The following CSMD1 variants were observed in gnomAD, a reference collection of about 807,000 sequenced individuals.
CSMD1 encodes CUB and sushi domain-containing protein 1.
Under a neutral mutation model 417.5 loss-of-function variants are expected in CSMD1, and 213 were observed. The observed-to-expected ratio is 0.51, with a 90% CI of 0.46 to 0.57. The LOEUF is 0.57. CSMD1 is among the 20% of genes least tolerant of loss of function. The pLI is 0.00. For missense variants in CSMD1, 6,923 were observed against 4,529.7 expected (o/e 1.53, Z -15.17); for synonymous variants, 2,862 against 1,736.8 (o/e 1.65, Z -16.11).
At chr8:3,714,075 C>A (rs144340661) in intron 6 of CSMD1, among the ~76,000 whole-genome samples, 1 of 139,906 alleles carries the variant, frequency 7.1e-6, no homozygotes, top group Non-Finnish European at 1.6e-5. Flanking sequence ...CACATACACA[C>A]ATATGTATAT....
At chr8:3,954,490 C>T (rs1811803548) in intron 5 of CSMD1, among the ~76,000 whole-genome samples, 1 of 152,296 alleles carries the variant, frequency 6.6e-6, no homozygotes, top group Non-Finnish European at 1.5e-5. Context: ...CCTCAGCTTC[C>T]TGAGTAGCTG....
At chr8:3,071,704 C>G (rs1355007958) in intron 49 of CSMD1, among the ~76,000 whole-genome samples, 1 of 152,066 alleles carries the variant, frequency 6.6e-6, no homozygotes, top group Non-Finnish European at 1.5e-5. Context: ...AAAAAACTAC[C>G]ATTCATCAAC....
chr8:4,043,098 C>G (rs565750371), intron 3 of CSMD1, among the ~76,000 whole-genome samples: 2 of 152,088 alleles, frequency 1.3e-5, no homozygotes, highest in East Asian at 1.9e-4. Context: ...CACCACTGCA[C>G]TTCCAGCCTG....
chr8:3,323,686 C>T (rs888882082), intron 23 of CSMD1, among the ~76,000 whole-genome samples: 1 of 152,182 alleles, frequency 6.6e-6, no homozygotes, highest in Non-Finnish European at 1.5e-5. Context: ...GATGAAGCAG[C>T]AGGTAAGTAG....
intron 1 of CSMD1, among the ~76,000 whole-genome samples, chr8:4,919,065 G>A (rs1402650086): frequency 6.6e-6 from 1 of 152,208 alleles, no homozygotes; most frequent in African/African-American, 2.4e-5. Context: ...TTTCAGTGAG[G>A]TAGTAGTTTG....
chr8:3,155,359 A>ATTTT (rs556304192), intron 39 of CSMD1, among the ~76,000 whole-genome samples: 906 of 43,278 alleles, frequency 0.021, 257 homozygotes, highest in South Asian at 0.098. Flanking sequence ...CAAGGCTGGG[A>ATTTT]TTTTTTTTTT....
Position 3,029,173 on chromosome 8 carries a change from C to T in CSMD1, c.7855+146G>A, listed in dbSNP as rs963996699. 4.6e-5 allele frequency: 25 copies of T among 542,604 alleles called. 1 individual carries two copies. The Middle Eastern group carries it at 2.0e-3, about 44-fold the overall frequency. 33.6% of individuals were successfully genotyped at this position (542,604 alleles called of 1,614,324 possible). On this transcript the variant is annotated intron_variant, in intron 51 of 69. Transcript: ENST00000635120. ...GTCACATGACAATACATATTCACATCGCAATGAAAAGACAGGCCATTTGTT... is the reference window on the plus strand; with the variant it reads ...GTCACATGACAATACATATTCACATTGCAATGAAAAGACAGGCCATTTGTT...
intron 3 of CSMD1, among the ~76,000 whole-genome samples, chr8:4,193,666 C>T (rs1055147833): frequency 7.2e-5 from 11 of 152,034 alleles, no homozygotes; most frequent in African/African-American, 2.2e-4. Context: ...TACCCAAACA[C>T]GGCAAACCAC....
intron 12 of CSMD1, among the ~76,000 whole-genome samples, chr8:3,455,105 G>A (rs372784827): frequency 9.2e-5 from 14 of 151,922 alleles, no homozygotes; most frequent in South Asian, 4.2e-4. Context: ...CGATCGAATC[G>A]GCTACTGAGG....
chr8:4,815,813 T>A (rs918047264), intron 1 of CSMD1, among the ~76,000 whole-genome samples: 1 of 151,948 alleles, frequency 6.6e-6, no homozygotes, highest in African/African-American at 2.4e-5. Context: ...ATTATTCAAG[T>A]AATGAATGCC....
At chr8:3,560,727 C>A (rs939687176) in intron 10 of CSMD1, among the ~76,000 whole-genome samples, 1 of 152,150 alleles carries the variant, frequency 6.6e-6, no homozygotes, top group Non-Finnish European at 1.5e-5. Context: ...TTAGTGGAAC[C>A]TAATTATCAC....
At chr8:3,712,461 G>C (rs1053689902) in intron 6 of CSMD1, among the ~76,000 whole-genome samples, 1 of 151,864 alleles carries the variant, frequency 6.6e-6, no homozygotes, top group Non-Finnish European at 1.5e-5. Context: ...AGAGAAACTA[G>C]AGCTGCAGGA....
chr8:4,747,213 C>T (rs1232685651), intron 1 of CSMD1, among the ~76,000 whole-genome samples: 1 of 152,172 alleles, frequency 6.6e-6, no homozygotes, highest in African/African-American at 2.4e-5. Flanking sequence ...GAATTTCTAC[C>T]TTCAGTAATG....
At chr8:3,251,802 A>C (rs1563187732) in intron 26 of CSMD1, among the ~76,000 whole-genome samples, 3 of 152,084 alleles carry the variant, frequency 2.0e-5, no homozygotes, top group African/African-American at 7.2e-5. Context: ...TTGGATTCAT[A>C]TGTATTTTAT....
chr8:3,151,569 T>C, intron 39 of CSMD1, 56 bp from the exon 40 acceptor site: 1 of 1,150,148 alleles, frequency 8.7e-7, no homozygotes, highest in Non-Finnish European at 1.3e-6. Context: ...CCTGGAATCT[T>C]TGCTCCAACC....
intron 25 of CSMD1, among the ~76,000 whole-genome samples, chr8:3,298,709 C>T (rs1452361578): frequency 1.3e-5 from 2 of 152,230 alleles, no homozygotes; most frequent in African/African-American, 4.8e-5. Context: ...CCGCCTCAGC[C>T]TCCCAAAGTG....
chr8:4,649,776 T>C (rs2130891222), intron 1 of CSMD1, among the ~76,000 whole-genome samples: 1 of 152,390 alleles, frequency 6.6e-6, no homozygotes, highest in South Asian at 2.1e-4. Flanking sequence ...CAGAAACTAA[T>C]AATGATGTTT....
intron 23 of CSMD1, among the ~76,000 whole-genome samples, chr8:3,315,481 A>G (rs1448428449): frequency 1.5e-5 from 2 of 129,492 alleles, no homozygotes; most frequent in African/African-American, 2.7e-5. Context: ...ACTATCTTTT[A>G]AATTATTTAT....
At chr8:3,780,181 A>G (rs1799101617) in intron 5 of CSMD1, among the ~76,000 whole-genome samples, 2 of 152,346 alleles carry the variant, frequency 1.3e-5, no homozygotes, top group East Asian at 3.9e-4. Flanking sequence ...ATGACAGGTT[A>G]AAAGTTAAAA....
Sources: gnomAD v4.1 joint callset for allele counts (sites outside exome capture counted in the v4.1 genomes callset) on GRCh38, gnomAD v4.1.1 for gene constraint, MANE v1.5 for transcripts, NCBI Gene and HGNC (gene_info 2026-07-23, HGNC 2026-07-21) for gene names.